Variants in SFXN2 observed in about 807,000 individuals in gnomAD.
SFXN2 encodes sideroflexin 2, also known as sideroflexin-2.
Under a neutral mutation model 41.9 loss-of-function variants are expected in SFXN2, and 37 were observed. The observed-to-expected ratio is 0.88, with a 90% CI of 0.68 to 1.16. The LOEUF (loss-of-function observed/expected upper bound fraction) is 1.16, where lower values mean the gene tolerates loss of function less well. Among genes scored for constraint, SFXN2 ranks in the 50% most tolerant of loss-of-function variants. The pLI, the probability that SFXN2 is intolerant of heterozygous loss-of-function variation, is 0.00. For synonymous variants in SFXN2, 150 were observed against 156.7 expected (o/e 0.96, Z 0.32); for missense variants, 386 against 425.2 (o/e 0.91, Z 0.81).
chr10:102,723,452 G>T (rs2489739), intron 1 of SFXN2, among the ~76,000 whole-genome samples: 1 of 151,980 alleles, frequency 6.6e-6, no homozygotes, highest in Non-Finnish European at 1.5e-5. Context: ...GGGTTTCACC[G>T]TCTTGGTCAG....
intron 1 of SFXN2, among the ~76,000 whole-genome samples, chr10:102,721,224 T>G (rs1271362547): frequency 6.6e-6 from 1 of 151,908 alleles, no homozygotes; most frequent in African/African-American, 2.4e-5. Context: ...ACGTCAGCAT[T>G]ATATATATTT....
chr10:102,720,401 G>C (rs2064492138), intron 1 of SFXN2, among the ~76,000 whole-genome samples: 1 of 151,572 alleles, frequency 6.6e-6, no homozygotes. Flanking sequence ...CTTGAGCTCA[G>C]GAGTTGAGAC....
chr10:102,729,927 G>A, intron 6 of SFXN2, 119 bp downstream of exon 6: 1 of 1,130,370 alleles, frequency 8.8e-7, no homozygotes, highest in Non-Finnish European at 1.3e-6. Context: ...CTGCTGGGCT[G>A]AGCCTCTGAA....
chr10:102,731,643 C>T, intron 6 of SFXN2, 80 bp from the exon 7 acceptor site: 2 of 1,303,768 alleles, frequency 1.5e-6, no homozygotes, highest in Non-Finnish European at 2.2e-6. Flanking sequence ...GTGGCCTGGC[C>T]TTGGTCCCCT....
At chr10:102,715,184 C>T (rs1338269923) in intron 1 of SFXN2, 1 of 152,506 alleles carries the variant, frequency 6.6e-6, no homozygotes, top group Non-Finnish European at 1.5e-5. Context: ...AGGCGGGCGC[C>T]ACCACGCCTG....
At chr10:102,729,966 G>T (rs1017538078) in intron 6 of SFXN2, among the ~76,000 whole-genome samples, 158 bp downstream of exon 6, 3 of 152,210 alleles carry the variant, frequency 2.0e-5, no homozygotes, top group Non-Finnish European at 4.4e-5. Context: ...CTCCCATGGT[G>T]ATGGCCCCGG....
intron 3 of SFXN2, 133 bp downstream of exon 3, chr10:102,727,290 G>T: frequency 2.2e-6 from 2 of 924,286 alleles, no homozygotes; most frequent in South Asian, 3.9e-5. Context: ...TACATTCTTT[G>T]CTCGTATTGC....
chr10:102,735,889 T>C lies in SFXN2; in HGVS notation c.849T>C (p.Cys283=), dbSNP rs182676734. The change falls in exon 11 of 12, where the codon TGT becomes TGC. Residue 283 remains cysteine (C), a synonymous_variant. Transcript: ENST00000369893. The stretch of plus-strand genomic sequence containing the variant: ...TCATCTTCATGGTGCCAGTGGCGTG[T>C]GGGCTTTTCCCACAGAAATGGTATC... The part of the protein sequence containing the change: ...CFLIFMVPVA[C]GLFPQKCELP... The C allele has an allele frequency of 1.9e-6, 3 of 1,614,156 alleles. No individual in the cohort carries two copies. The highest frequency in any genetic ancestry group is 2.5e-6 in the Non-Finnish European group (3 of 1,180,010).
chr10:102,723,051 C>T (rs1564740243), intron 1 of SFXN2, among the ~76,000 whole-genome samples: 1 of 150,310 alleles, frequency 6.7e-6, no homozygotes, highest in Non-Finnish European at 1.5e-5. Context: ...CCCACATCAG[C>T]CTCCCCAGTA....
chr10:102,732,732 A>C (rs1239732440), intron 8 of SFXN2, 127 bp from the exon 9 acceptor site: 1 of 898,976 alleles, frequency 1.1e-6, no homozygotes, highest in Non-Finnish European at 1.8e-6. Flanking sequence ...TGTTCTGCCT[A>C]GTGGTAAGTA....
rs553839271 is a variant in SFXN2, at chr10:102,738,470, G to A, written c.*708G>A. 6.6e-6 allele frequency: 1 copy of A among 152,128 alleles called. No homozygotes were observed. The highest frequency in any genetic ancestry group is 2.4e-5 in the African/African-American group (1 of 41,478). The allele number at this position is 152,128 out of a possible 1,614,324, so 9.4% of individuals were successfully genotyped here. On this transcript the variant is annotated 3_prime_UTR_variant, in exon 12 of 12. Transcript: ENST00000369893. ...CTGCCACCACGCCTGGCTAATTTTT[G>A]TATTTTAGTGGAGACGGGGTTTCAC...
rs1470158461 is a variant in SFXN2 at position 102,742,285 on chromosome 10, G to C, written c.*4523G>C. Reference sequence around the variant, plus strand: ...AGGTTCAAGCGATTCTTCTGCTTTAGCCTCCTGAGTAGCTGGGACTACAGG... The same window carrying C: ...AGGTTCAAGCGATTCTTCTGCTTTACCCTCCTGAGTAGCTGGGACTACAGG... On this transcript the variant is annotated 3_prime_UTR_variant, in exon 12 of 12. Transcript: ENST00000369893. 1 of 152,094 alleles carries C rather than the reference G, an allele frequency of 6.6e-6. No homozygotes were observed. Among genetic ancestry groups the C allele is most frequent in the African/African-American group, 2.4e-5 (1 of 41,254 alleles). 9.4% of individuals were successfully genotyped at this position (152,094 alleles called of 1,614,324 possible). A position where few individuals can be genotyped will look rare whatever the true frequency, so the allele number is the denominator to read the frequency against.
At chr10:102,720,310 A>T (rs868038677) in intron 1 of SFXN2, among the ~76,000 whole-genome samples, 2 of 150,442 alleles carry the variant, frequency 1.3e-5, no homozygotes, top group Non-Finnish European at 3.0e-5. Flanking sequence ...AAAAAAAAAA[A>T]AAAAAAACCC....
intron 1 of SFXN2, among the ~76,000 whole-genome samples, chr10:102,723,428 T>A (rs2064540996): frequency 1.3e-5 from 2 of 150,948 alleles, no homozygotes; most frequent in African/African-American, 4.9e-5. Flanking sequence ...ATTTTTGTAT[T>A]TTTAGTAGAG....
rs1842765954 is a variant in SFXN2 at position 102,740,179 on chromosome 10, T to G, written c.*2417T>G. ...AAAATATAACTCACATACCATAAAC[T>G]TAGTCCTTTTAAAGTGTACAATTCA... On this transcript the variant is annotated 3_prime_UTR_variant, in exon 12 of 12. Coordinates refer to ENST00000369893, the MANE Select transcript of SFXN2 (RefSeq NM_178858.6). 6.6e-6 allele frequency: 1 copy of G among 152,226 alleles called. No homozygotes were observed. Among genetic ancestry groups the G allele is most frequent in the Non-Finnish European group, 1.5e-5 (1 of 68,038 alleles). The allele number at this position is 152,226 out of a possible 1,614,324, so 9.4% of individuals were successfully genotyped here.
chr10:102,723,259 G>GTT (rs56236002), intron 1 of SFXN2, among the ~76,000 whole-genome samples: 7 of 116,370 alleles, frequency 6.0e-5, no homozygotes, highest in African/African-American at 6.2e-5. Context: ...AGAAAGTTTT[G>GTT]TTTTTTTTTT....
At chr10:102,737,359 C>T (rs959430545) in intron 11 of SFXN2, among the ~76,000 whole-genome samples, 23 of 152,056 alleles carry the variant, frequency 1.5e-4, no homozygotes, top group African/African-American at 5.1e-4. Context: ...CCAGACAATT[C>T]CAGTCTCCCC....
chr10:102,724,431 T>C (rs2136037957), intron 1 of SFXN2, among the ~76,000 whole-genome samples: 2 of 152,286 alleles, frequency 1.3e-5, no homozygotes, highest in South Asian at 4.2e-4. Flanking sequence ...CGGCTGGACG[T>C]GGTGGCTCAC....
rs1842783195 is a variant in SFXN2, at chr10:102,741,550, A to G, written c.*3788A>G. 6.6e-6 allele frequency: 1 copy of G among 152,218 alleles called. No homozygotes were observed. The highest frequency in any genetic ancestry group is 2.1e-4 in the South Asian group (1 of 4,830). 9.4% of individuals were successfully genotyped at this position (152,218 alleles called of 1,614,324 possible). ...TCCTAAAGGTTTCCTGACTACAGGTACATGCCACCATGCCCAGCTAATTTT... is the reference window on the plus strand; with the variant it reads ...TCCTAAAGGTTTCCTGACTACAGGTGCATGCCACCATGCCCAGCTAATTTT... On this transcript the variant is annotated 3_prime_UTR_variant, in exon 12 of 12. Coordinates refer to ENST00000369893, the MANE Select transcript of SFXN2 (RefSeq NM_178858.6).
Sources: allele counts gnomAD v4.1 joint callset (sites outside exome capture counted in the v4.1 genomes callset), GRCh38; gene constraint gnomAD v4.1.1; transcripts MANE v1.5; gene names NCBI Gene and HGNC (gene_info 2026-07-23, HGNC 2026-07-21).